PPP1R9A: variants seen among roughly 807,000 people sequenced by gnomAD.
PPP1R9A encodes the protein neurabin-1.
PPP1R9A carries 59 observed loss-of-function variants against 141.9 expected under a neutral mutation model. The observed-to-expected ratio is 0.42, with a 90% confidence interval of 0.34 to 0.52. The LOEUF is 0.52. PPP1R9A is among the 20% of genes least tolerant of loss of function. The pLI is 0.10. For missense variants in PPP1R9A, 1,444 were observed against 1,611.9 expected (o/e 0.90, Z 1.78); for synonymous variants, 500 against 569.7 (o/e 0.88, Z 1.74).
intron 5 of PPP1R9A, among the ~76,000 whole-genome samples, chr7:95,172,746 A>T (rs1416750423): frequency 6.6e-6 from 1 of 151,778 alleles, no homozygotes. Context: ...CCTAGTAAAA[A>T]TTTTAGAAGA....
chr7:95,075,306 T>C (rs1423795625), intron 2 of PPP1R9A, among the ~76,000 whole-genome samples: 1 of 152,204 alleles, frequency 6.6e-6, no homozygotes, highest in Non-Finnish European at 1.5e-5. Context: ...CCTCTTGTAA[T>C]TTTATTTTTA....
At chr7:94,938,199 T>G (rs1418669570) in intron 2 of PPP1R9A, among the ~76,000 whole-genome samples, 1 of 152,142 alleles carries the variant, frequency 6.6e-6, no homozygotes, top group Non-Finnish European at 1.5e-5. Context: ...CATTTGATTC[T>G]TAAAGGTGCA....
chr7:94,995,188 A>G (rs1802023758), intron 2 of PPP1R9A, among the ~76,000 whole-genome samples: 1 of 152,088 alleles, frequency 6.6e-6, no homozygotes, highest in Non-Finnish European at 1.5e-5. Flanking sequence ...TTGTTTTTCA[A>G]GAGAAATGGC....
chr7:95,137,939 T>C (rs924407088), intron 4 of PPP1R9A, among the ~76,000 whole-genome samples: 2 of 150,586 alleles, frequency 1.3e-5, no homozygotes, highest in African/African-American at 4.9e-5. Flanking sequence ...TTTTTCTTTT[T>C]TTTTTTTTTT....
chr7:95,149,882 A>G (rs1050743355), intron 4 of PPP1R9A, among the ~76,000 whole-genome samples: 59 of 152,060 alleles, frequency 3.9e-4, no homozygotes, highest in African/African-American at 1.4e-3. Context: ...AAGACAAAAG[A>G]CACAAAATGG....
chr7:95,221,969 T>C (rs1367384361), intron 7 of PPP1R9A, among the ~76,000 whole-genome samples: 1 of 152,076 alleles, frequency 6.6e-6, no homozygotes, highest in Non-Finnish European at 1.5e-5. Flanking sequence ...ATGGTATGCA[T>C]ATGTGTGTGT....
intron 2 of PPP1R9A, among the ~76,000 whole-genome samples, chr7:94,965,905 T>A (rs1279279729): frequency 6.6e-6 from 1 of 152,202 alleles, no homozygotes; most frequent in Non-Finnish European, 1.5e-5. Flanking sequence ...ATAAATTACT[T>A]TGGGCAGTAT....
chr7:95,041,055 C>T (rs1165993489), intron 2 of PPP1R9A, among the ~76,000 whole-genome samples: 4 of 152,156 alleles, frequency 2.6e-5, no homozygotes, highest in Non-Finnish European at 4.4e-5. Context: ...CACTTTGTAT[C>T]TCCTGGGTCT....
chr7:94,944,732 T>G (rs1043642762), intron 2 of PPP1R9A, among the ~76,000 whole-genome samples: 1 of 152,064 alleles, frequency 6.6e-6, no homozygotes, highest in Non-Finnish European at 1.5e-5. Flanking sequence ...CTCAAAATAG[T>G]AGATGCCTGG....
rs577421925 is a variant in PPP1R9A, at chr7:95,077,485, A to G, written c.1396-33774A>G. ...GAGAAAGGAAAAATGTATCTCTTATACAGATTTAAGAGTGAATGCACATTA... is the reference window on the plus strand; with the variant it reads ...GAGAAAGGAAAAATGTATCTCTTATGCAGATTTAAGAGTGAATGCACATTA... On this transcript the variant is annotated intron_variant, in intron 2 of 19. Transcript: ENST00000433360. Among the ~76,000 whole-genome samples the G allele has an allele frequency of 1.4e-4, 21 of 152,272 alleles. No homozygotes were observed. The East Asian group carries it at 4.1e-3, about 29-fold the overall frequency.
chr7:94,928,897 A>T (rs1448326594), intron 2 of PPP1R9A, among the ~76,000 whole-genome samples: 1 of 152,178 alleles, frequency 6.6e-6, no homozygotes, highest in Non-Finnish European at 1.5e-5. Context: ...GAGTGTCTTC[A>T]AGTTTTTGTC....
At chr7:94,916,317 T>C (rs1467484018) in intron 2 of PPP1R9A, among the ~76,000 whole-genome samples, 2 of 152,218 alleles carry the variant, frequency 1.3e-5, no homozygotes, top group Admixed American at 1.3e-4. Context: ...AGGGGAACCT[T>C]AGATTTTACA....
intron 2 of PPP1R9A, among the ~76,000 whole-genome samples, chr7:95,095,754 A>AT (rs1475792823): frequency 6.6e-6 from 1 of 152,168 alleles, no homozygotes; most frequent in East Asian, 1.9e-4. Flanking sequence ...TGCAGTAAAG[A>AT]TTTTTTGTGA....
chr7:95,088,363 A>AT (rs542084732), intron 2 of PPP1R9A, among the ~76,000 whole-genome samples: 32 of 149,552 alleles, frequency 2.1e-4, no homozygotes, highest in South Asian at 4.2e-4. Flanking sequence ...AGGAGACTCC[A>AT]TTTTTTTTTT....
chr7:95,076,681 G>A (rs1814911394), intron 2 of PPP1R9A, among the ~76,000 whole-genome samples: 1 of 152,002 alleles, frequency 6.6e-6, no homozygotes, highest in Non-Finnish European at 1.5e-5. Context: ...AATAAAAATA[G>A]TATTTGTTCA....
intron 2 of PPP1R9A, among the ~76,000 whole-genome samples, chr7:95,020,041 T>TC (rs138953743): frequency 6.6e-6 from 1 of 150,742 alleles, no homozygotes; most frequent in South Asian, 2.1e-4. Flanking sequence ...GCTATATCAT[T>TC]ATCATCATCA....
Position 95,290,269 on chromosome 7 carries a change from C to T in PPP1R9A, c.4091C>T (p.Thr1364Met), listed in dbSNP as rs117192937. Reference sequence around the variant, plus strand: ...AAGTCCAAAAAGACAGAAAAGATGACGTCAACTACAGCCGAGGGTGCTGGT... The same window carrying T: ...AAGTCCAAAAAGACAGAAAAGATGATGTCAACTACAGCCGAGGGTGCTGGT... The part of the protein sequence containing the change: ...QRKSKKTEKM[T>M]STTAEGAGEQ Residue 1364 changes from threonine to methionine, a missense_variant, in exon 20 of 20, where the codon ACG becomes ATG. Thr to Met is a moderately conservative substitution (Grantham distance 81). This residue lies in a region of PPP1R9A where 459 missense variants were observed against 513.8 expected (regional missense o/e 0.89). Transcript: ENST00000433360. 18 of 1,612,438 alleles carry T rather than the reference C, an allele frequency of 1.1e-5. No homozygotes were observed. Among genetic ancestry groups the T allele is most frequent in the East Asian group, 2.2e-5 (1 of 44,738 alleles).
At chr7:95,252,534 C>T (rs1021405528) in intron 12 of PPP1R9A, among the ~76,000 whole-genome samples, 2 of 136,714 alleles carry the variant, frequency 1.5e-5, no homozygotes, top group African/African-American at 5.6e-5. Context: ...GTGGTGCAAT[C>T]TCAGCTCACT....
At chr7:94,941,940 T>C (rs1413578588) in intron 2 of PPP1R9A, among the ~76,000 whole-genome samples, 1 of 152,222 alleles carries the variant, frequency 6.6e-6, no homozygotes, top group South Asian at 2.1e-4. Context: ...TCTTTTTTGG[T>C]CCTTAGTTTC....
Sources: allele counts gnomAD v4.1 joint callset (sites outside exome capture counted in the v4.1 genomes callset), GRCh38; gene constraint gnomAD v4.1.1; regional missense constraint gnomAD v4.1.1; transcripts MANE v1.5; gene names NCBI Gene and HGNC (gene_info 2026-07-23, HGNC 2026-07-21).